The following NAV3 variants were observed in gnomAD, a reference collection of about 807,000 sequenced individuals.
NAV3 encodes the protein pore membrane and/or filament interacting like protein 1.
NAV3 carries 87 observed loss-of-function variants against 244.7 expected under a neutral mutation model. That is an observed-to-expected ratio of 0.36 (90% CI 0.30 to 0.42). The LOEUF is 0.42. Ranked by LOEUF, NAV3 falls within the 20% of genes least tolerant of loss-of-function variation. The probability of loss-of-function intolerance (pLI) is 1.00; values close to 1 mark genes in which losing one functional copy is unlikely to be tolerated. For synonymous variants in NAV3, 1,126 were observed against 1,042.2 expected (o/e 1.08, Z -1.55); for missense variants, 2,663 against 2,893.3 (o/e 0.92, Z 1.83).
chr12:77,953,234 A>G (rs1284078378), intron 3 of NAV3, among the ~76,000 whole-genome samples: 2 of 152,184 alleles, frequency 1.3e-5, no homozygotes, highest in Non-Finnish European at 2.9e-5. Context: ...ATCTGATTAT[A>G]TCCTCGGGAA....
intron 2 of NAV3, among the ~76,000 whole-genome samples, chr12:77,709,706 C>T (rs1876012120): frequency 6.6e-6 from 1 of 152,128 alleles, no homozygotes; most frequent in African/African-American, 2.4e-5. Context: ...GTCTGGCAAA[C>T]AGCTTTTGGA....
chr12:77,998,613 G>T (rs1872741613), intron 7 of NAV3, 137 bp downstream of exon 7: 1 of 825,502 alleles, frequency 1.2e-6, no homozygotes, highest in Non-Finnish European at 1.8e-6. Context: ...TTTCCTAACT[G>T]TCCCCTCCTG....
intron 12 of NAV3, among the ~76,000 whole-genome samples, chr12:78,065,172 G>C (rs1884862938): frequency 6.6e-6 from 1 of 151,890 alleles, no homozygotes; most frequent in Non-Finnish European, 1.5e-5. Context: ...CACCTGTGCA[G>C]AGTGAAAATT....
At chr12:77,746,211 A>G (rs1314476671) in intron 2 of NAV3, among the ~76,000 whole-genome samples, 1 of 152,126 alleles carries the variant, frequency 6.6e-6, no homozygotes. Flanking sequence ...GGGGATAGAT[A>G]GTAAATATAT....
intron 2 of NAV3, among the ~76,000 whole-genome samples, chr12:77,584,072 C>T (rs1396212187): frequency 1.3e-5 from 2 of 152,162 alleles, no homozygotes; most frequent in Non-Finnish European, 2.9e-5. Context: ...AAAGTGCTTT[C>T]CCACCACTCC....
intron 6 of NAV3, among the ~76,000 whole-genome samples, chr12:77,996,766 A>T (rs2136424713): frequency 6.6e-6 from 1 of 152,304 alleles, no homozygotes; most frequent in Non-Finnish European, 1.5e-5. Flanking sequence ...GACATTAATA[A>T]TCTTTGCTTT....
At chr12:77,777,911 T>C (rs973375952) in intron 2 of NAV3, among the ~76,000 whole-genome samples, 1 of 151,860 alleles carries the variant, frequency 6.6e-6, no homozygotes, top group African/African-American at 2.4e-5. Context: ...GTTCAAGCGA[T>C]TCTCCTGCCT....
At chr12:77,895,309 TTGTGTGTGTG>T (rs71440496) in intron 1 of NAV3, among the ~76,000 whole-genome samples, 2 of 148,468 alleles carry the variant, frequency 1.3e-5, no homozygotes. Context: ...TTTAGAATGA[TTGTGTGTGTG>T]TGTGTGTGTG....
At chr12:77,766,464 G>A (rs1478150820) in intron 2 of NAV3, among the ~76,000 whole-genome samples, 1 of 152,114 alleles carries the variant, frequency 6.6e-6, no homozygotes, top group Non-Finnish European at 1.5e-5. Context: ...AATTATCTTG[G>A]CCTAAATACA....
intron 2 of NAV3, among the ~76,000 whole-genome samples, chr12:77,740,430 C>T (rs993531259): frequency 6.6e-6 from 1 of 151,254 alleles, no homozygotes; most frequent in African/African-American, 2.4e-5. Context: ...TGAAGGAAAC[C>T]TGATTTTGAA....
rs1439018636 is a variant in NAV3 at position 78,122,122 on chromosome 12, T to A, written c.3932T>A (p.Leu1311His). 3 of 1,614,146 alleles carry A rather than the reference T, an allele frequency of 1.9e-6. No homozygotes were observed. The highest frequency in any genetic ancestry group is 2.5e-6 in the Non-Finnish European group (3 of 1,180,030). ...AGGLSGSSSPLFNKPSDLTTD... is the reference protein window; with the variant it reads ...AGGLSGSSSPHFNKPSDLTTD... ...GGGCTAAGCGGCAGCAGCAGCCCTC[T>A]CTTCAATAAACCCTCAGACTTAACT... The change falls in exon 16 of 40, where the codon CTC (leucine) becomes CAC (histidine). Residue 1311 changes from leucine (L) to histidine (H), a missense_variant. By Grantham distance (99) the Leu-to-His change is moderately conservative. This residue lies in a region of NAV3 where 354 missense variants were observed against 413.0 expected (regional missense o/e 0.86). Transcript: ENST00000397909.
At chr12:77,907,021 T>C (rs1177674437) in intron 1 of NAV3, among the ~76,000 whole-genome samples, 1 of 152,132 alleles carries the variant, frequency 6.6e-6, no homozygotes, top group Non-Finnish European at 1.5e-5. Flanking sequence ...CCAGACTCCA[T>C]TATCTCTACT....
chr12:77,961,131 T>A (rs1891910991), intron 3 of NAV3, among the ~76,000 whole-genome samples: 1 of 146,150 alleles, frequency 6.8e-6, no homozygotes, highest in Non-Finnish European at 1.5e-5. Flanking sequence ...AATATATACT[T>A]TAATAATATA....
intron 3 of NAV3, among the ~76,000 whole-genome samples, chr12:77,943,590 T>G (rs1890071489): frequency 6.6e-6 from 1 of 152,212 alleles, no homozygotes; most frequent in Admixed American, 6.5e-5. Flanking sequence ...GAGACAAGAA[T>G]GAAAAGGAAA....
At chr12:78,154,747 T>C (rs899098661) in intron 22 of NAV3, among the ~76,000 whole-genome samples, 5 of 152,106 alleles carry the variant, frequency 3.3e-5, no homozygotes, top group African/African-American at 1.2e-4. Context: ...TAAACTGTCA[T>C]TAACAACCCC....
In NAV3 at chr12:77,738,209, G is replaced by A. The variant is rs144874864; in HGVS notation, c.72+165943G>A. 3.0e-3 allele frequency among the ~76,000 whole-genome samples: 451 copies of A among 152,234 alleles called. 2 individuals are homozygous for A. The highest frequency in any genetic ancestry group is 0.01 in the African/African-American group (430 of 41,528). ...AATTCTTTCTTGGGTTTTTAAGATT[G>A]CTCCTAATAACCTTCCATCTTATCA... is the stretch of plus-strand genomic sequence containing the variant. On this transcript the variant is annotated intron_variant, in intron 2 of 8. Transcript: ENST00000550042.
At chr12:77,940,739 G>T (rs79885552) in intron 2 of NAV3, among the ~76,000 whole-genome samples, 2 of 152,066 alleles carry the variant, frequency 1.3e-5, no homozygotes, top group Non-Finnish European at 1.5e-5. Flanking sequence ...TGTGTATTTC[G>T]TTAGCTGGAG....
chr12:77,767,652 G>A (rs1009193750), intron 2 of NAV3, among the ~76,000 whole-genome samples: 1 of 152,216 alleles, frequency 6.6e-6, no homozygotes, highest in Non-Finnish European at 1.5e-5. Context: ...TAAATCACAT[G>A]CATGACAAGT....
intron 19 of NAV3, 80 bp downstream of exon 19, chr12:78,137,445 A>G: frequency 7.4e-7 from 1 of 1,345,028 alleles, no homozygotes; most frequent in East Asian, 2.5e-5. Flanking sequence ...TCACATCACA[A>G]AGATTCCTGA....
Sources: gnomAD v4.1 joint callset for allele counts (sites outside exome capture counted in the v4.1 genomes callset) on GRCh38, gnomAD v4.1.1 for gene constraint, gnomAD v4.1.1 regional missense constraint, MANE v1.5 for transcripts, NCBI Gene and HGNC (gene_info 2026-07-23, HGNC 2026-07-21) for gene names.